PID1: variants seen among roughly 807,000 people sequenced by gnomAD.
The protein encoded by PID1 is phosphotyrosine interaction domain containing 1, also known as PTB-containing, cubilin and LRP1-interacting protein.
A neutral mutation model predicts 19.1 loss-of-function variants in PID1; 10 were observed. The observed-to-expected ratio is 0.52, with a 90% CI of 0.32 to 0.89. PID1 has a LOEUF of 0.89. Ranked by LOEUF, PID1 falls within the 40% of genes least tolerant of loss-of-function variation. PID1 has a pLI of 0.03. For synonymous variants in PID1, 130 were observed against 116.0 expected (o/e 1.12, Z -0.78); for missense variants, 248 against 285.3 (o/e 0.87, Z 0.94).
chr2:229,190,867 C>T (rs920181664), intron 1 of PID1, among the ~76,000 whole-genome samples: 1 of 152,192 alleles, frequency 6.6e-6, no homozygotes, highest in Admixed American at 6.5e-5. Flanking sequence ...ACAGGGACCA[C>T]ATCACCCCCA....
intron 1 of PID1, among the ~76,000 whole-genome samples, chr2:229,258,480 GAAACAGTGTA>G (rs1223593504): frequency 3.9e-5 from 6 of 152,170 alleles, no homozygotes. Flanking sequence ...AGTGAGAACA[GAAACAGTGTA>G]TTGTTTAGTT....
At chr2:229,204,007 A>G (rs372007896) in intron 1 of PID1, among the ~76,000 whole-genome samples, 16 of 152,192 alleles carry the variant, frequency 1.1e-4, no homozygotes, top group African/African-American at 3.4e-4. Context: ...AATAAACCTT[A>G]CTGAGGTTTA....
At chr2:229,054,719 TGGGGG>T (rs59290972) in intron 2 of PID1, among the ~76,000 whole-genome samples, 2 of 17,984 alleles carry the variant, frequency 1.1e-4, no homozygotes, top group African/African-American at 2.5e-4. Flanking sequence ...TGTGTGTGTG[TGGGGG>T]GGGGGGGGGG....
chr2:229,110,340 C>A (rs930203436), intron 2 of PID1, among the ~76,000 whole-genome samples: 1 of 152,104 alleles, frequency 6.6e-6, no homozygotes, highest in African/African-American at 2.4e-5. Flanking sequence ...TAGATGAGGA[C>A]AAGAGTCATC....
chr2:229,240,354 A>T (rs1574751006), intron 1 of PID1, among the ~76,000 whole-genome samples: 1 of 152,260 alleles, frequency 6.6e-6, no homozygotes, highest in Non-Finnish European at 1.5e-5. Context: ...TCCTCTTCTT[A>T]GAACTTCTCT....
intron 2 of PID1, among the ~76,000 whole-genome samples, chr2:229,035,426 GTC>G (rs377183491): frequency 6.7e-6 from 1 of 150,120 alleles, no homozygotes; most frequent in African/African-American, 2.4e-5. Flanking sequence ...AGATATGTCT[GTC>G]TCTCTCTCTC....
At position 229,183,150 on chromosome 2, in the gene PID1, T is replaced by C. The variant is rs559900410; in HGVS notation, c.31-27186A>G. On this transcript the variant is annotated intron_variant, in intron 1 of 2. Coordinates refer to ENST00000392055, the MANE Select transcript of PID1 (RefSeq NM_001100818.2). ...CTGTCTTTATGAGAAGAGAGAAATT[T>C]GAACACAGAGACGCATGGGAGTACA... Among the ~76,000 whole-genome samples, 3 of 152,302 alleles carry C rather than the reference T, an allele frequency of 2.0e-5. No homozygotes were observed. The South Asian group carries it at 6.2e-4, about 32-fold the overall frequency.
chr2:229,136,759 G>C (rs532191436), intron 2 of PID1, among the ~76,000 whole-genome samples: 1 of 152,048 alleles, frequency 6.6e-6, no homozygotes, highest in Non-Finnish European at 1.5e-5. Flanking sequence ...GTCATCCCCT[G>C]AGAAAATTCA....
intron 2 of PID1, among the ~76,000 whole-genome samples, chr2:229,127,768 C>T (rs748701129): frequency 6.6e-6 from 1 of 152,160 alleles, no homozygotes; most frequent in Non-Finnish European, 1.5e-5. Context: ...CTCTTCTCCA[C>T]TTGATAGCTA....
At chr2:229,085,581 C>T (rs960153797) in intron 2 of PID1, among the ~76,000 whole-genome samples, 2 of 152,124 alleles carry the variant, frequency 1.3e-5, no homozygotes, top group African/African-American at 4.8e-5. Context: ...GTAGAAACAT[C>T]AGTCAAAATG....
chr2:229,089,083 G>A (rs1694821703), intron 2 of PID1, among the ~76,000 whole-genome samples: 1 of 152,146 alleles, frequency 6.6e-6, no homozygotes, highest in South Asian at 2.1e-4. Flanking sequence ...TTTATACTCT[G>A]AGACATTCAG....
intron 1 of PID1, among the ~76,000 whole-genome samples, chr2:229,230,169 A>T (rs1439756028): frequency 6.6e-6 from 1 of 152,192 alleles, no homozygotes; most frequent in African/African-American, 2.4e-5. Flanking sequence ...AAAAGAGAGT[A>T]ATTGTTTCTA....
intron 1 of PID1, among the ~76,000 whole-genome samples, chr2:229,240,876 T>C (rs977247087): frequency 6.6e-6 from 1 of 152,154 alleles, no homozygotes; most frequent in Non-Finnish European, 1.5e-5. Flanking sequence ...GTGTCCCATA[T>C]GGGGCTCTGT....
At chr2:229,027,124 G>C (rs1404055850) in intron 2 of PID1, among the ~76,000 whole-genome samples, 3 of 152,216 alleles carry the variant, frequency 2.0e-5, no homozygotes, top group Non-Finnish European at 4.4e-5. Flanking sequence ...CGTGAGAACT[G>C]AGAGGGGACA....
chr2:229,198,083 T>C (rs988075921), intron 1 of PID1, among the ~76,000 whole-genome samples: 5 of 152,184 alleles, frequency 3.3e-5, no homozygotes, highest in South Asian at 2.1e-4. Flanking sequence ...CAGGAGGCTG[T>C]AAAATATTGG....
At chr2:229,174,877 C>T (rs557130975) in intron 1 of PID1, among the ~76,000 whole-genome samples, 2 of 152,304 alleles carry the variant, frequency 1.3e-5, no homozygotes, top group Non-Finnish European at 2.9e-5. Flanking sequence ...TTTGATACTC[C>T]TACCTCAAGA....
intron 1 of PID1, among the ~76,000 whole-genome samples, chr2:229,242,689 G>C (rs1689900858): frequency 6.6e-6 from 1 of 152,038 alleles, no homozygotes; most frequent in African/African-American, 2.4e-5. Context: ...TTCCCTGCTT[G>C]CAATACATTT....
intron 2 of PID1, among the ~76,000 whole-genome samples, chr2:229,056,413 G>C (rs925485448): frequency 6.6e-6 from 1 of 152,050 alleles, no homozygotes; most frequent in Non-Finnish European, 1.5e-5. Flanking sequence ...ACTTGCCTTT[G>C]ATCTCTGAAC....
At chr2:229,191,383 A>G (rs1447335418) in intron 1 of PID1, among the ~76,000 whole-genome samples, 1 of 152,154 alleles carries the variant, frequency 6.6e-6, no homozygotes, top group African/African-American at 2.4e-5. Context: ...CCCTCTCTCA[A>G]GAGAAAGGAA....
Sources: allele counts gnomAD v4.1 joint callset (sites outside exome capture counted in the v4.1 genomes callset), GRCh38; gene constraint gnomAD v4.1.1; transcripts MANE v1.5; gene names NCBI Gene and HGNC (gene_info 2026-07-23, HGNC 2026-07-21).